The following TET1 variants were observed in gnomAD, a reference collection of about 807,000 sequenced individuals.
The protein encoded by TET1 is tet methylcytosine dioxygenase 1.
Under a neutral mutation model 148.7 loss-of-function variants are expected in TET1, and 13 were observed. That is an observed-to-expected ratio of 0.09 (90% CI 0.06 to 0.14). The LOEUF is 0.14. TET1 is among the 10% of genes least tolerant of loss of function. The pLI is 1.00. For synonymous variants in TET1, 907 were observed against 937.2 expected, an observed-to-expected ratio of 0.97 and a Z score of 0.59; for missense variants, 2,182 against 2,553.8, an observed-to-expected ratio of 0.85 and a Z score of 3.14.
At position 68,690,822 on chromosome 10, in the gene TET1, A is replaced by G. The variant is rs1015969210; in HGVS notation, c.5419A>G (p.Thr1807Ala). ...SLPTLGSNTE[T>A]VQPEVKSETE... ...TCCTTGTTTAGGGAGTAACACTGAG[A>G]CCGTGCAACCTGAAGTAAAAAGTGA... The change falls in exon 12 of 12, where the codon ACC (threonine) becomes GCC (alanine). Residue 1807 changes from threonine (T) to alanine (A), a missense_variant. Transcript: ENST00000373644. 5 of 1,605,584 alleles carry G rather than the reference A, an allele frequency of 3.1e-6. No individual in the cohort carries two copies. Among genetic ancestry groups the G allele is most frequent in the African/African-American group, 1.3e-5 (1 of 74,700 alleles).
chr10:68,679,764 C>T (rs1188516090), intron 8 of TET1, among the ~76,000 whole-genome samples: 1 of 152,108 alleles, frequency 6.6e-6, no homozygotes, highest in African/African-American at 2.4e-5. Context: ...ATCTTCACCT[C>T]CCAGATTCAA....
intron 3 of TET1, among the ~76,000 whole-genome samples, chr10:68,627,762 CCAAAAAAA>C (rs766049290): frequency 6.8e-6 from 1 of 147,772 alleles, no homozygotes; most frequent in Non-Finnish European, 1.5e-5. Context: ...CCCGTCTCTA[CCAAAAAAA>C]TAAAAAAATA....
chr10:68,631,600 C>T (rs2054573046), intron 3 of TET1, among the ~76,000 whole-genome samples: 5 of 151,996 alleles, frequency 3.3e-5, no homozygotes, highest in Admixed American at 3.3e-4. Context: ...GAAAGACCTG[C>T]TTGTTATTGC....
At chr10:68,681,342 C>A in intron 8 of TET1, 57 bp from the exon 9 acceptor site, 3 of 1,110,922 alleles carry the variant, frequency 2.7e-6, no homozygotes, top group Non-Finnish European at 4.1e-6. Context: ...TTCAGTTGTA[C>A]CTTAAACACA....
intron 8 of TET1, among the ~76,000 whole-genome samples, chr10:68,677,190 G>C (rs926040443): frequency 2.6e-5 from 4 of 152,130 alleles, no homozygotes; most frequent in South Asian, 2.1e-4. Flanking sequence ...GCCCAGGAAG[G>C]CTCCACCAGA....
At chr10:68,584,186 C>T (rs1159835401) in intron 2 of TET1, among the ~76,000 whole-genome samples, 3 of 150,384 alleles carry the variant, frequency 2.0e-5, no homozygotes, top group Non-Finnish European at 4.4e-5. Context: ...ATTATAGGCA[C>T]ACCCCACCAC....
At chr10:68,585,672 C>A (rs987711216) in intron 2 of TET1, among the ~76,000 whole-genome samples, 20 of 151,912 alleles carry the variant, frequency 1.3e-4, no homozygotes, top group African/African-American at 4.1e-4. Context: ...ATCATATGTC[C>A]ACTCCCTGAA....
chr10:68,656,725 T>C (rs981525760), intron 6 of TET1, among the ~76,000 whole-genome samples: 2 of 152,228 alleles, frequency 1.3e-5, no homozygotes. Context: ...AATATGGCTA[T>C]TTAGAAAATG....
At chr10:68,632,245 C>T in intron 3 of TET1, 1 of 760,502 alleles carries the variant, frequency 1.3e-6, no homozygotes, top group Middle Eastern at 3.9e-4. Flanking sequence ...TGGCGTGAAC[C>T]CGGGAGGCGG....
intron 7 of TET1, among the ~76,000 whole-genome samples, chr10:68,668,312 G>GGTAT (rs1469933499): frequency 1.3e-5 from 2 of 152,032 alleles, no homozygotes; most frequent in Non-Finnish European, 2.9e-5. Flanking sequence ...GATGTTGAGT[G>GGTAT]GTATTTAGGC....
At position 68,627,408 on chromosome 10, in the gene TET1, C is replaced by T. The variant is rs531947403; in HGVS notation, c.1969-17290C>T. ...CTGGGTGACAGCAAGATTCTGTCTC[C>T]GAAAAAAAAAATAAATAAATAAAAT... On this transcript the variant is annotated intron_variant, in intron 3 of 11. Coordinates refer to ENST00000373644, the MANE Select transcript of TET1 (RefSeq NM_030625.3). Among the ~76,000 whole-genome samples, 8 of 104,184 alleles carry T rather than the reference C, an allele frequency of 7.7e-5. No homozygotes were observed. In the South Asian group the frequency reaches 2.0e-3, roughly 26 times the overall value. The allele number at this position is 104,184 out of a possible 152,430, so 68.3% of individuals were successfully genotyped here.
At position 68,691,839 on chromosome 10, in the gene TET1, C is replaced by G; in HGVS notation, c.*25C>G. ...AAGGCTTTTCTCCCCCTCTTAATGC[C>G]TTTGCTAGTGCAGTGTATTTTTTCA... is the stretch of plus-strand genomic sequence containing the variant. On this transcript the variant is annotated 3_prime_UTR_variant, in exon 12 of 12. Transcript: ENST00000373644. This position sits in a 1 kb window ranked among gnomAD's most constrained non-coding sequence, Gnocchi z 4.4. 1 of 1,583,048 alleles carries G rather than the reference C, an allele frequency of 6.3e-7. No homozygotes were observed. Among genetic ancestry groups the G allele is most frequent in the Non-Finnish European group, 8.6e-7 (1 of 1,165,984 alleles).
At chr10:68,570,716 G>A (rs895411471) in intron 1 of TET1, among the ~76,000 whole-genome samples, 19 of 151,188 alleles carry the variant, frequency 1.3e-4, no homozygotes, top group South Asian at 4.2e-4. Context: ...TTCAAGCTCC[G>A]CCTCCCGGGT....
At chr10:68,591,118 G>A (rs1334398877) in intron 2 of TET1, among the ~76,000 whole-genome samples, 2 of 152,112 alleles carry the variant, frequency 1.3e-5, no homozygotes, top group Non-Finnish European at 2.9e-5. Flanking sequence ...GCCTCCCAAA[G>A]TGCTGGGATT....
chr10:68,628,419 T>A (rs1380010751), intron 3 of TET1, among the ~76,000 whole-genome samples: 1 of 152,238 alleles, frequency 6.6e-6, no homozygotes, highest in Non-Finnish European at 1.5e-5. Flanking sequence ...GTATTACAAT[T>A]CCTTTACATT....
At chr10:68,580,313 A>ATTTTTTTTTTTTTTTTTTTT (rs1163318028) in intron 2 of TET1, among the ~76,000 whole-genome samples, 1 of 60,402 alleles carries the variant, frequency 1.7e-5, no homozygotes, top group Non-Finnish European at 2.9e-5. Flanking sequence ...ATTATATTCA[A>ATTTTTTTTTTTTTTTTTTTT]TTTTTTTTTT....
rs545730422 is a variant in TET1 at position 68,681,557 on chromosome 10, A to G, written c.4914+69A>G. 2.9e-6 allele frequency: 3 copies of G among 1,045,608 alleles called. No individual in the cohort carries two copies. The African/African-American group carries it at 4.8e-5, about 17-fold the overall frequency. 64.8% of individuals were successfully genotyped at this position (1,045,608 alleles called of 1,614,324 possible). A position where few individuals can be genotyped will look rare whatever the true frequency, so the allele number is the denominator to read the frequency against. ...TGGGGTCTTGCTTTGTTGCCCAGGC[A>G]GCAGTACAGTGGCATGATCAAAGCT... On this transcript the variant is annotated intron_variant, in intron 9 of 11. Coordinates refer to ENST00000373644, the MANE Select transcript of TET1 (RefSeq NM_030625.3).
intron 4 of TET1, among the ~76,000 whole-genome samples, chr10:68,650,205 A>G (rs535256562): frequency 6.6e-6 from 1 of 152,184 alleles, no homozygotes; most frequent in African/African-American, 2.4e-5. Context: ...TAATGCACAC[A>G]CATAACTGCC....
At chr10:68,650,817 T>A (rs1199781575) in intron 4 of TET1, among the ~76,000 whole-genome samples, 2 of 152,128 alleles carry the variant, frequency 1.3e-5, no homozygotes, top group East Asian at 3.8e-4. Context: ...AAAATAGCAT[T>A]TTTTAAGAAA....
Sources: allele counts gnomAD v4.1 joint callset (sites outside exome capture counted in the v4.1 genomes callset), GRCh38; gene constraint gnomAD v4.1.1; non-coding constraint Gnocchi (gnomAD v3.1); transcripts MANE v1.5; gene names NCBI Gene and HGNC (gene_info 2026-07-23, HGNC 2026-07-21).